The following TBRG4 variants were observed in gnomAD, a reference collection of about 807,000 sequenced individuals.
TBRG4 encodes the protein transforming growth factor beta regulator 4, also known as FAST kinase domain-containing protein 4.
TBRG4 carries 43 observed loss-of-function variants against 65.6 expected under a neutral mutation model. That is an observed-to-expected ratio of 0.66 (90% CI 0.51 to 0.85). The LOEUF (loss-of-function observed/expected upper bound fraction) is 0.85. Ranked by LOEUF, TBRG4 falls within the 40% of genes least tolerant of loss-of-function variation. The pLI is 0.00. For synonymous variants in TBRG4, 366 were observed against 341.4 expected (o/e 1.07, Z -0.79); for missense variants, 709 against 787.9 (o/e 0.90, Z 1.20).
intron 8 of TBRG4, 82 bp downstream of exon 8, chr7:45,101,743 T>C (rs1784771263): frequency 1.3e-6 from 2 of 1,597,762 alleles, no homozygotes; most frequent in African/African-American, 1.3e-5. Context: ...AGGTCAGTAC[T>C]TGCTGCAGAC....
chr7:45,109,942 A>G (rs928090315), intron 1 of TBRG4, among the ~76,000 whole-genome samples: 3 of 140,302 alleles, frequency 2.1e-5, no homozygotes, highest in Non-Finnish European at 4.5e-5. Context: ...GCACCACTGG[A>G]CTCCAGCCTG....
In TBRG4 at chr7:45,109,067, C is replaced by G. The variant is rs778054935; in HGVS notation, c.171G>C (p.Pro57=). Residue 57 remains proline, a synonymous_variant, in exon 2 of 11, where the codon CCG becomes CCC. Coordinates refer to ENST00000258770, the MANE Select transcript of TBRG4 (RefSeq NM_004749.4). ...ISHLPGSLME[P]VEKERASTPY... is the part of the protein sequence containing the mutation. ...GAGTAGATGCTCGTTCCTTCTCCACCGGCTCCATCAAGGAACCTGGGAGGT... is the reference window on the plus strand; with the variant it reads ...GAGTAGATGCTCGTTCCTTCTCCACGGGCTCCATCAAGGAACCTGGGAGGT... 1.9e-6 allele frequency: 3 copies of G among 1,614,036 alleles called. No homozygotes were observed. Among genetic ancestry groups the G allele is most frequent in the Non-Finnish European group, 2.5e-6 (3 of 1,179,922 alleles).
At chr7:45,110,173 G>C (rs1003740242) in intron 1 of TBRG4, among the ~76,000 whole-genome samples, 1 of 152,088 alleles carries the variant, frequency 6.6e-6, no homozygotes, top group Non-Finnish European at 1.5e-5. Context: ...GATTTTCTCA[G>C]TCTTAGCTTT....
In TBRG4 at chr7:45,101,872, G is replaced by A. The variant is rs1453547798; in HGVS notation, c.1520C>T (p.Ala507Val). Residue 507 changes from alanine to valine, a missense_variant, in exon 8 of 11, where the codon GCC becomes GTC. Physicochemically the swap from Ala to Val is moderately conservative, Grantham distance 64. Transcript: ENST00000258770. ...GGCCACCTCGAGGCTGCCCTTGTCGGCGCTCCCCAGCAGCCCCTTCAGCGT... is the reference window on the plus strand; with the variant it reads ...GGCCACCTCGAGGCTGCCCTTGTCGACGCTCCCCAGCAGCCCCTTCAGCGT... ...QETLKGLLGS[A>V]DKGSLEVATQ... The A allele has an allele frequency of 1.2e-6, 2 of 1,609,608 alleles. No homozygotes were observed. Among genetic ancestry groups the A allele is most frequent in the Non-Finnish European group, 1.7e-6 (2 of 1,179,474 alleles).
In TBRG4 at chr7:45,105,474, G is replaced by A. The variant is rs1372799295; in HGVS notation, c.702C>T (p.Leu234=). 1.2e-6 allele frequency: 2 copies of A among 1,612,294 alleles called. No individual in the cohort carries two copies. The highest frequency in any genetic ancestry group is 1.1e-5 in the South Asian group (1 of 90,928). ...LVTVMMKVGH[L]SEPLMNRLED... ...CCAGGCGGTTCATTAGTGGCTCCGAGAGGTGTCCCACCTTCATCATGACGG... is the reference window on the plus strand; with the variant it reads ...CCAGGCGGTTCATTAGTGGCTCCGAAAGGTGTCCCACCTTCATCATGACGG... Residue 234 remains leucine, a synonymous_variant, in exon 3 of 11, where the codon CTC becomes CTT. Coordinates refer to ENST00000258770, the MANE Select transcript of TBRG4 (RefSeq NM_004749.4).
rs759667593 is a variant in TBRG4, at chr7:45,101,323, C to A, written c.1729G>T (p.Asp577Tyr). The A allele has an allele frequency of 9.9e-6, 16 of 1,614,056 alleles. No homozygotes were observed. The South Asian group carries it at 1.5e-4, about 16-fold the overall frequency. The change falls in exon 10 of 11, where the codon GAC becomes TAC. Residue 577 changes from aspartate (D) to tyrosine (Y), a missense_variant. Physicochemically the swap from Asp to Tyr is radical, Grantham distance 160. Transcript: ENST00000258770. Reference sequence around the variant, plus strand: ...GCCAGAACAAAGCGACCCAGCAAGTCCTTGCTTCGGCTGTTGAAGTTGGGG... The same window carrying A: ...GCCAGAACAAAGCGACCCAGCAAGTACTTGCTTCGGCTGTTGAAGTTGGGG... The part of the protein sequence containing the change: ...EFPNFNSRSK[D>Y]LLGRFVLARR...
rs1470425997 is a variant in TBRG4, at chr7:45,102,358, A to G, written c.1310T>C (p.Ile437Thr). Residue 437 changes from isoleucine (I) to threonine (T), a missense_variant, in exon 7 of 11, where the codon ATC becomes ACC. Ile to Thr is a moderately conservative substitution (Grantham distance 89, BLOSUM62 -1). Transcript: ENST00000258770. The part of the protein sequence containing the change: ...LQAVLHPEFH[I>T]QFLGGKSQKD... The stretch of plus-strand genomic sequence containing the variant: ...GGCAGGGGGCTCACCTAGAAATTGG[A>G]TGTGAAATTCAGGGTGGAGGACGGC... The G allele has an allele frequency of 1.9e-6, 3 of 1,613,950 alleles. No individual in the cohort carries two copies. The Admixed American group carries it at 5.0e-5, about 27-fold the overall frequency.
At position 45,109,215 on chromosome 7, in the gene TBRG4, C is replaced by T. The variant is rs148913962; in HGVS notation, c.23G>A (p.Arg8Gln). The T allele has an allele frequency of 2.5e-4, 402 of 1,603,092 alleles. 2 individuals carry two copies. In the East Asian group the frequency reaches 3.3e-3, roughly 13 times the overall value. The change falls in exon 2 of 11, where the codon CGA (arginine) becomes CAA (glutamine). Residue 8 changes from arginine to glutamine, a missense_variant. Coordinates refer to ENST00000258770, the MANE Select transcript of TBRG4 (RefSeq NM_004749.4). MAAHLVK[R>Q]CTCLLREAAR... ...AGCTTCTCTCAGGAGGCACGTGCAT[C>T]GCTTTACCAGGTGAGCTGCCATGAT...
intron 2 of TBRG4, chr7:45,106,305 T>C (rs1784952483): frequency 6.7e-6 from 2 of 300,430 alleles, no homozygotes; most frequent in African/African-American, 4.3e-5. Context: ...ATGTAGTTGA[T>C]TAAAGAGAGA....
At chr7:45,101,140 CCGGGGCCA>C in intron 10 of TBRG4, 110 bp downstream of exon 10, 1 of 969,290 alleles carries the variant, frequency 1.0e-6, no homozygotes, top group Non-Finnish European at 1.5e-6. Context: ...TGGGAGAGGC[CCGGGGCCA>C]CGGGCAGGGC....
At chr7:45,105,356 C>T in intron 3 of TBRG4, 85 bp downstream of exon 3, 1 of 1,425,130 alleles carries the variant, frequency 7.0e-7, no homozygotes, top group Non-Finnish European at 9.5e-7. Context: ...CACAACGCAC[C>T]CCTCTGCAGA....
intron 10 of TBRG4, among the ~76,000 whole-genome samples, chr7:45,100,694 AAC>A (rs1299543394): frequency 6.6e-6 from 1 of 152,234 alleles, no homozygotes; most frequent in Non-Finnish European, 1.5e-5. Context: ...CTGAATTTTA[AAC>A]AGTTAAAAAA....
At position 45,100,150 on chromosome 7, in the gene TBRG4, C is replaced by A. The variant is rs1010221706; in HGVS notation, c.*175G>T. The stretch of plus-strand genomic sequence containing the variant: ...TGGGAAGGCCCCAGGGGTCCAACAC[C>A]AAAATTAAAGGTTTATTATACACAA... On this transcript the variant is annotated 3_prime_UTR_variant, in exon 11 of 11. Transcript: ENST00000258770. 2 of 569,484 alleles carry A rather than the reference C, an allele frequency of 3.5e-6. No homozygotes were observed. Among genetic ancestry groups the A allele is most frequent in the Non-Finnish European group, 6.2e-6 (2 of 324,242 alleles). 35.3% of individuals were successfully genotyped at this position (569,484 alleles called of 1,614,324 possible).
intron 1 of TBRG4, chr7:45,110,667 C>T (rs1785101338): frequency 6.6e-6 from 1 of 151,598 alleles, no homozygotes; most frequent in South Asian, 2.1e-4. Flanking sequence ...AAAAAAAATT[C>T]TATCAGCTAG....
chr7:45,101,117 C>T (rs1784749843), intron 10 of TBRG4, 141 bp downstream of exon 10: 1 of 710,362 alleles, frequency 1.4e-6, no homozygotes, highest in East Asian at 2.8e-5. Context: ...AGTAAACTCC[C>T]TCCCTGGGCT....
chr7:45,103,679 T>C (rs373803414), intron 5 of TBRG4: 36 of 559,428 alleles, frequency 6.4e-5, no homozygotes, highest in East Asian at 3.2e-4. Flanking sequence ...TGCTTCTTTC[T>C]GATAAGGGAT....
In TBRG4 at chr7:45,109,121, CAG is replaced by C. The variant is rs1785045820; in HGVS notation, c.115_116del (p.Leu39AspfsTer74). 1 of 1,614,196 alleles carries C rather than the reference CAG, an allele frequency of 6.2e-7. No individual in the cohort carries two copies. The highest frequency in any genetic ancestry group is 2.2e-5 in the East Asian group (1 of 44,882). ...AAATGGGTGAGGTGGCTGAGGAAGT[CAG>C]AGTCTTATGGGCTACCCAGGCAAGT... Reference protein sequence around the residue: ...LRLAWVAHKTLTSSATSPISH... With the variant: ...LRLAWVAHKTXTSSATSPISH... On this transcript the variant is annotated frameshift_variant, in exon 2 of 11. Transcript: ENST00000258770. LOFTEE classifies it high-confidence loss of function.
rs1179518113 is a variant in TBRG4, at chr7:45,104,332, C to T, written c.908-76G>A. On this transcript the variant is annotated intron_variant, in intron 4 of 10. Transcript: ENST00000258770. The stretch of plus-strand genomic sequence containing the variant: ...CCCAGCAGCTCCACCCCACCTCAGC[C>T]TCGAGGTCTAGATATTTGATGTCTG... The T allele has an allele frequency of 2.5e-6, 4 of 1,602,826 alleles. No individual in the cohort carries two copies. In the South Asian group the frequency reaches 4.4e-5, roughly 18 times the overall value.
chr7:45,104,091 T>A lies in TBRG4; in HGVS notation c.1065+8A>T. 6.3e-7 allele frequency: 1 copy of A among 1,593,144 alleles called. No homozygotes were observed. The highest frequency in any genetic ancestry group is 8.5e-7 in the Non-Finnish European group (1 of 1,169,892). ...GCTTCTCTGAGTTGGGGCCAGGCCCTGGCTCACCTGGGCAAAGGCCTCAAA... is the reference window on the plus strand; with the variant it reads ...GCTTCTCTGAGTTGGGGCCAGGCCCAGGCTCACCTGGGCAAAGGCCTCAAA... On this transcript the variant is annotated splice_region_variant and intron_variant, in intron 5 of 10. Coordinates refer to ENST00000258770, the MANE Select transcript of TBRG4 (RefSeq NM_004749.4).
Sources: gnomAD v4.1 joint callset for allele counts (sites outside exome capture counted in the v4.1 genomes callset) on GRCh38, gnomAD v4.1.1 for gene constraint, MANE v1.5 for transcripts, NCBI Gene and HGNC (gene_info 2026-07-23, HGNC 2026-07-21) for gene names.